The following OXR1 variants were observed in gnomAD, a reference collection of about 807,000 sequenced individuals.
OXR1 encodes the protein oxidation resistance protein 1.
A neutral mutation model predicts 104.6 loss-of-function variants in OXR1; 41 were observed. The ratio of observed to expected loss-of-function variants is 0.39; its 90% CI spans 0.31 to 0.51. The LOEUF (loss-of-function observed/expected upper bound fraction) is 0.51. OXR1 is among the 20% of genes least tolerant of loss of function. OXR1 has a pLI of 0.77. For missense variants in OXR1, 955 were observed against 1,031.9 expected (o/e 0.93, Z 1.02); for synonymous variants, 348 against 348.4 (o/e 1.00, Z 0.01).
At chr8:106,512,658 G>T (rs1464885888) in intron 2 of OXR1, among the ~76,000 whole-genome samples, 2 of 152,070 alleles carry the variant, frequency 1.3e-5, no homozygotes, top group Non-Finnish European at 2.9e-5. Context: ...ATTTAGACCA[G>T]ATTACAAAAC....
rs752492521 is a variant in OXR1 at position 106,679,219 on chromosome 8, A to G, written c.230A>G (p.Gln77Arg). 30 of 1,607,812 alleles carry G rather than the reference A, an allele frequency of 1.9e-5. No individual in the cohort carries two copies. The highest frequency in any genetic ancestry group is 2.4e-5 in the Non-Finnish European group (28 of 1,175,528). ...TGCCTTTTTTTCCCAGACACTGGCC[A>G]AAAGAAGACCCTAGACAAGAAAGAT... ...LKRFYTIDTG[Q>R]KKTLDKKDGR... The change falls in exon 4 of 17, where the codon CAA becomes CGA. Residue 77 changes from glutamine to arginine, a missense_variant. By Grantham distance (43) the Gln-to-Arg change is conservative. Coordinates refer to ENST00000517566, the MANE Select transcript of OXR1 (RefSeq NM_001198533.2).
chr8:106,316,655 G>T (rs1490679933), intron 1 of OXR1, among the ~76,000 whole-genome samples: 1 of 151,910 alleles, frequency 6.6e-6, no homozygotes, highest in Non-Finnish European at 1.5e-5. Context: ...GCTAGGAAAG[G>T]TTAGTGGCTT....
chr8:106,353,868 T>C (rs910379306), intron 1 of OXR1, among the ~76,000 whole-genome samples: 14 of 152,240 alleles, frequency 9.2e-5, no homozygotes, highest in African/African-American at 2.9e-4. Context: ...CTGAATTTTT[T>C]GTGTCACTTG....
chr8:106,667,045 A>G (rs781408966), intron 3 of OXR1, among the ~76,000 whole-genome samples: 27 of 152,230 alleles, frequency 1.8e-4, no homozygotes, highest in Non-Finnish European at 3.4e-4. Flanking sequence ...AGTGGCTACC[A>G]TATTATACAA....
At chr8:106,461,232 A>T (rs555169838) in intron 2 of OXR1, among the ~76,000 whole-genome samples, 82 of 152,240 alleles carry the variant, frequency 5.4e-4, no homozygotes, top group African/African-American at 1.9e-3. Flanking sequence ...CCCCTGGGAG[A>T]CGGTGAGTTC....
At chr8:106,295,150 A>G (rs977698916) in intron 1 of OXR1, among the ~76,000 whole-genome samples, 4 of 152,204 alleles carry the variant, frequency 2.6e-5, no homozygotes, top group African/African-American at 4.8e-5. Flanking sequence ...ACTGCTGGGC[A>G]TAATGGTTAG....
intron 2 of OXR1, among the ~76,000 whole-genome samples, chr8:106,449,543 T>C (rs774165113): frequency 4.6e-5 from 7 of 152,188 alleles, no homozygotes; most frequent in Non-Finnish European, 7.3e-5. Flanking sequence ...TAATTCCCAT[T>C]GTAACTGATA....
chr8:106,454,829 T>A (rs1820515794), intron 2 of OXR1, among the ~76,000 whole-genome samples: 1 of 152,192 alleles, frequency 6.6e-6, no homozygotes. Flanking sequence ...GACTCTGTGT[T>A]GTTGCATTCA....
chr8:106,696,479 A>G (rs1830043363), intron 7 of OXR1, among the ~76,000 whole-genome samples: 1 of 152,180 alleles, frequency 6.6e-6, no homozygotes, highest in African/African-American at 2.4e-5. Context: ...CAGGTAAAAT[A>G]TCAAGAATCA....
chr8:106,413,728 T>A (rs762162567), intron 2 of OXR1, among the ~76,000 whole-genome samples: 830 of 150,036 alleles, frequency 5.5e-3, no homozygotes, highest in Middle Eastern at 0.01. Context: ...TATCTACTTT[T>A]TTTTTTTTTT....
chr8:106,425,026 G>A (rs1197784960), intron 2 of OXR1, among the ~76,000 whole-genome samples: 1 of 149,354 alleles, frequency 6.7e-6, no homozygotes, highest in Non-Finnish European at 1.5e-5. Context: ...TATGAAAGCT[G>A]AGTACTAAAT....
intron 16 of OXR1, among the ~76,000 whole-genome samples, chr8:106,747,042 T>C (rs1426313193): frequency 6.6e-6 from 1 of 152,148 alleles, no homozygotes; most frequent in Non-Finnish European, 1.5e-5. Context: ...TTTCAGTGTT[T>C]AAAGGAGAGT....
intron 3 of OXR1, among the ~76,000 whole-genome samples, chr8:106,611,697 A>G (rs1163319125): frequency 6.6e-6 from 1 of 152,122 alleles, no homozygotes; most frequent in Non-Finnish European, 1.5e-5. Context: ...TCCCACCCCC[A>G]TTCATTCCTA....
chr8:106,652,984 A>G (rs1824724474), intron 3 of OXR1, among the ~76,000 whole-genome samples: 1 of 151,348 alleles, frequency 6.6e-6, no homozygotes, highest in South Asian at 2.1e-4. Flanking sequence ...AAGGAATACT[A>G]TGAACAACAA....
intron 2 of OXR1, among the ~76,000 whole-genome samples, chr8:106,484,048 A>T (rs1391145769): frequency 1.3e-5 from 2 of 152,074 alleles, no homozygotes. Flanking sequence ...TAATGACATG[A>T]TCCAAGGAAG....
At chr8:106,729,794 T>C (rs912551538) in intron 11 of OXR1, 19 of 152,166 alleles carry the variant, frequency 1.2e-4, no homozygotes, top group African/African-American at 4.3e-4. Flanking sequence ...TTTAATAGCA[T>C]AGTGGTCTTC....
intron 3 of OXR1, among the ~76,000 whole-genome samples, chr8:106,605,889 A>G (rs899614321): frequency 2.3e-5 from 3 of 128,048 alleles, no homozygotes; most frequent in African/African-American, 6.3e-5. Context: ...TTGAAACAAC[A>G]TATGACTTCT....
intron 3 of OXR1, among the ~76,000 whole-genome samples, chr8:106,676,447 C>T (rs895184957): frequency 6.6e-6 from 1 of 152,048 alleles, no homozygotes; most frequent in Admixed American, 6.6e-5. Flanking sequence ...TGGTAATGGT[C>T]TTTCCTTTCC....
chr8:106,311,920 C>A (rs556501190), intron 1 of OXR1, among the ~76,000 whole-genome samples: 2 of 152,228 alleles, frequency 1.3e-5, no homozygotes, highest in South Asian at 2.1e-4. Context: ...CTCCCTGCCT[C>A]TTCTCTCTGT....
Sources: allele counts gnomAD v4.1 joint callset (sites outside exome capture counted in the v4.1 genomes callset), GRCh38; gene constraint gnomAD v4.1.1; transcripts MANE v1.5; gene names NCBI Gene and HGNC (gene_info 2026-07-23, HGNC 2026-07-21).